LYPLAL1: variants seen among roughly 807,000 people sequenced by gnomAD.
LYPLAL1 encodes lysophospholipase like 1.
LYPLAL1 carries 23 observed loss-of-function variants against 19.7 expected under a neutral mutation model. The ratio of observed to expected loss-of-function variants is 1.17; its 90% CI spans 0.84 to 1.65. The LOEUF is 1.65. Among genes scored for constraint, LYPLAL1 ranks in the 40% most tolerant of loss-of-function variants. LYPLAL1 has a pLI of 0.00. For missense variants in LYPLAL1, 355 were observed against 279.4 expected (o/e 1.27, Z -1.93); for synonymous variants, 119 against 96.3 (o/e 1.24, Z -1.38).
the LYPLAL1 span, among the ~76,000 whole-genome samples, chr1:219,384,240 C>T: frequency 1.2e-4 from 19 of 152,330 alleles, no homozygotes; most frequent in African/African-American, 4.1e-4. Flanking sequence ...CCTTAGACAC[C>T]CATTATCCTA....
chr1:219,278,601 T>C, the LYPLAL1 span, among the ~76,000 whole-genome samples: 2 of 152,174 alleles, frequency 1.3e-5, no homozygotes, highest in African/African-American at 4.8e-5. Flanking sequence ...CTGTACTTTA[T>C]TCCCTCTCTA....
the LYPLAL1 span, among the ~76,000 whole-genome samples, chr1:219,349,430 G>T: frequency 1.3e-5 from 2 of 152,184 alleles, no homozygotes; most frequent in Non-Finnish European, 2.9e-5. Flanking sequence ...TGAGAGAGAT[G>T]TGAACAGACT....
At chr1:219,313,869 T>TGCACA in the LYPLAL1 span, among the ~76,000 whole-genome samples, 1 of 152,172 alleles carries the variant, frequency 6.6e-6, no homozygotes, top group Non-Finnish European at 1.5e-5. Context: ...TGCAAGTCTG[T>TGCACA]TACATAGGTA....
chr1:219,222,259 T>C, the LYPLAL1 span: 1 of 152,148 alleles, frequency 6.6e-6, no homozygotes, highest in Non-Finnish European at 1.5e-5. Flanking sequence ...TTTGAGTTAA[T>C]GTGGCAGCTG....
chr1:219,260,589 G>A, the LYPLAL1 span, among the ~76,000 whole-genome samples: 5 of 148,950 alleles, frequency 3.4e-5, no homozygotes, highest in Admixed American at 6.7e-5. Flanking sequence ...CAGAGGGGTC[G>A]AATAATACAA....
the LYPLAL1 span, among the ~76,000 whole-genome samples, chr1:219,317,414 C>A: frequency 6.6e-6 from 1 of 151,884 alleles, no homozygotes; most frequent in Non-Finnish European, 1.5e-5. Context: ...GATTTTTTTT[C>A]TCTTTCTCTT....
At chr1:219,372,229 A>G in the LYPLAL1 span, among the ~76,000 whole-genome samples, 1 of 152,360 alleles carries the variant, frequency 6.6e-6, no homozygotes, top group South Asian at 2.1e-4. Flanking sequence ...TGATAAGAGC[A>G]CAAAGATTCT....
the LYPLAL1 span, among the ~76,000 whole-genome samples, chr1:219,324,914 T>G: frequency 6.6e-6 from 1 of 152,194 alleles, no homozygotes; most frequent in Non-Finnish European, 1.5e-5. Flanking sequence ...CCTTGGCTTT[T>G]TTCAAATAAG....
chr1:219,425,975 G>C, the LYPLAL1 span, among the ~76,000 whole-genome samples: 49 of 152,272 alleles, frequency 3.2e-4, no homozygotes, highest in South Asian at 0.01. Context: ...CCTCGCTGTT[G>C]TTCTAAAGAA....
chr1:219,358,586 G>T, the LYPLAL1 span, among the ~76,000 whole-genome samples: 4 of 152,024 alleles, frequency 2.6e-5, no homozygotes, highest in Admixed American at 6.6e-5. Context: ...CATCTTACAG[G>T]GTGGCAGGCG....
chr1:219,273,982 G>C, the LYPLAL1 span, among the ~76,000 whole-genome samples: 1 of 152,088 alleles, frequency 6.6e-6, no homozygotes, highest in South Asian at 2.1e-4. Flanking sequence ...GGCTTGTCTC[G>C]AACTCCTGAC....
At chr1:219,316,117 C>T in the LYPLAL1 span, among the ~76,000 whole-genome samples, 30 of 152,188 alleles carry the variant, frequency 2.0e-4, no homozygotes, top group African/African-American at 6.3e-4. Flanking sequence ...TTGATGAAGG[C>T]TGGTATTAGC....
At position 219,191,426 on chromosome 1, in the gene LYPLAL1, G is replaced by T. The variant is rs188424772; in HGVS notation, c.192-1656G>T. Among the ~76,000 whole-genome samples the T allele has an allele frequency of 7.8e-4, 118 of 151,698 alleles. 1 individual carries two copies. Among genetic ancestry groups the T allele is most frequent in the African/African-American group, 2.7e-3 (110 of 41,484 alleles). On this transcript the variant is annotated intron_variant, in intron 2 of 4. Transcript: ENST00000366928. Reference sequence around the variant, plus strand: ...ATAGGATATAATATAGCCATTAAAAGGGTAAGTTAGAACTGTAACTGATGA... The same window carrying T: ...ATAGGATATAATATAGCCATTAAAATGGTAAGTTAGAACTGTAACTGATGA...
chr1:219,338,080 C>T, the LYPLAL1 span, among the ~76,000 whole-genome samples: 1 of 151,992 alleles, frequency 6.6e-6, no homozygotes, highest in Non-Finnish European at 1.5e-5. Flanking sequence ...TCCTCATTCT[C>T]ATTTTACGTG....
chr1:219,243,648 A>G, the LYPLAL1 span, among the ~76,000 whole-genome samples: 1 of 152,080 alleles, frequency 6.6e-6, no homozygotes, highest in Non-Finnish European at 1.5e-5. Context: ...GTCCCGGCGC[A>G]GTGGCTCATG....
At chr1:219,334,948 T>G in the LYPLAL1 span, among the ~76,000 whole-genome samples, 2 of 151,846 alleles carry the variant, frequency 1.3e-5, no homozygotes. Flanking sequence ...TTTTCCAAAT[T>G]TTTACCATGC....
the LYPLAL1 span, among the ~76,000 whole-genome samples, chr1:219,417,142 A>T: frequency 6.6e-6 from 1 of 152,176 alleles, no homozygotes; most frequent in Non-Finnish European, 1.5e-5. Flanking sequence ...CACAGCCCAC[A>T]CTTAAGGAGT....
At chr1:219,440,288 CT>C in the LYPLAL1 span, among the ~76,000 whole-genome samples, 1 of 151,924 alleles carries the variant, frequency 6.6e-6, no homozygotes, top group Non-Finnish European at 1.5e-5. Flanking sequence ...ATAATTTCTT[CT>C]TTTAAAAAAA....
chr1:219,193,002 A>C (rs1657301171), intron 2 of LYPLAL1, 80 bp from the exon 3 acceptor site: 2 of 1,347,786 alleles, frequency 1.5e-6, no homozygotes, highest in East Asian at 4.8e-5. Flanking sequence ...TCAAAACACT[A>C]TTATTTTGGT....
Sources: gnomAD v4.1 joint callset for allele counts (sites outside exome capture counted in the v4.1 genomes callset) on GRCh38, gnomAD v4.1.1 for gene constraint, MANE v1.5 for transcripts, NCBI Gene and HGNC (gene_info 2026-07-23, HGNC 2026-07-21) for gene names.